Variants in LAG3 observed in about 807,000 individuals in gnomAD.
LAG3 encodes the protein lymphocyte activation gene 3 protein.
In LAG3, 29 loss-of-function variants were observed where a neutral mutation model predicts 49.0. The observed-to-expected ratio is 0.59, with a 90% confidence interval of 0.44 to 0.81. The LOEUF (loss-of-function observed/expected upper bound fraction) is 0.81. LAG3 is among the 30% of genes least tolerant of loss of function. LAG3 has a pLI of 0.00. For synonymous variants in LAG3, 320 were observed against 297.3 expected (o/e 1.08, Z -0.79); for missense variants, 693 against 695.2 (o/e 1.00, Z 0.04).
intron 7 of LAG3, 116 bp downstream of exon 7, chr12:6,778,037 C>T (rs765608844): frequency 9.5e-6 from 14 of 1,470,338 alleles, no homozygotes; most frequent in Admixed American, 3.5e-5. Context: ...AACTTGCCCT[C>T]AGAGCCCCCC....
intron 3 of LAG3, 132 bp from the exon 4 acceptor site, chr12:6,774,463 A>C: frequency 1.0e-6 from 1 of 987,486 alleles, no homozygotes; most frequent in Non-Finnish European, 1.5e-6. Context: ...AGATGGGGAG[A>C]GGGTGATGTG....
Position 6,772,793 on chromosome 12 carries a change from C to T in LAG3, c.-60C>T. 1 of 1,095,630 alleles carries T rather than the reference C, an allele frequency of 9.1e-7. No individual in the cohort carries two copies. Among genetic ancestry groups the T allele is most frequent in the Admixed American group, 1.9e-5 (1 of 52,706 alleles). 67.9% of individuals were successfully genotyped at this position (1,095,630 alleles called of 1,614,324 possible). On this transcript the variant is annotated 5_prime_UTR_variant, in exon 1 of 8. Transcript: ENST00000203629. ...CTTTACCCCCCACCCCCCACCACTG[C>T]CCCCTTTCCTTTTCTGACCTCCTTT...
Position 6,775,508 on chromosome 12 carries a change from A to T in LAG3, c.1017A>T (p.Glu339Asp). The change falls in exon 5 of 8, where the codon GAA becomes GAT. Residue 339 changes from glutamate to aspartate, a missense_variant. Physicochemically the swap from Glu to Asp is conservative, Grantham distance 45. Coordinates refer to ENST00000203629, the MANE Select transcript of LAG3 (RefSeq NM_002286.6). ...GTYTCHIHLQ[E>D]QQLNATVTLA... ...ACACCTGCCATATCCATCTGCAGGA[A>T]CAGCAGCTCAATGCCACTGTCACAT... 1 of 1,614,270 alleles carries T rather than the reference A, an allele frequency of 6.2e-7. No homozygotes were observed. Among genetic ancestry groups the T allele is most frequent in the Non-Finnish European group, 8.5e-7 (1 of 1,180,038 alleles).
rs180706464 is a variant in LAG3, at chr12:6,777,387, C to T, written c.1181C>T (p.Ser394Leu). 170 of 1,614,224 alleles carry T rather than the reference C, an allele frequency of 1.1e-4. No homozygotes were observed. The highest frequency in any genetic ancestry group is 1.4e-4 in the Non-Finnish European group (165 of 1,180,034). The change falls in exon 6 of 8, where the codon TCA becomes TTA. Residue 394 changes from serine (S) to leucine (L), a missense_variant. Coordinates refer to ENST00000203629, the MANE Select transcript of LAG3 (RefSeq NM_002286.6). ...SLDTPSQRSF[S>L]GPWLEAQEAQ... ...GACACCCCATCCCAGAGGAGTTTCT[C>T]AGGACCTTGGCTGGAGGCACAGGAG...
Position 6,773,769 on chromosome 12 carries a change from G to A in LAG3, c.279G>A (p.Gly93=), listed in dbSNP as rs1036261700. 1.2e-5 allele frequency: 16 copies of A among 1,332,716 alleles called. No homozygotes were observed. In the Admixed American group the frequency reaches 1.6e-4, roughly 14 times the overall value. The allele number at this position is 1,332,716 out of a possible 1,614,324, so 82.6% of individuals were successfully genotyped here. Residue 93 remains glycine, a synonymous_variant, in exon 3 of 8, where the codon GGG becomes GGA. Transcript: ENST00000203629. This position sits in a 1 kb window ranked among gnomAD's most constrained non-coding sequence, Gnocchi z 5.5. ...ACCCGGCGGCGCCCTCCTCCTGGGG[G>A]CCCAGGCCCCGCCGCTACACGGTGC... The part of the protein sequence containing the change: ...GPHPAAPSSW[G]PRPRRYTVLS...
rs1592495266 is a variant in LAG3, at chr12:6,773,420, C to T, written c.206+81C>T. The T allele has an allele frequency of 6.6e-7, 1 of 1,509,048 alleles. No homozygotes were observed. Among genetic ancestry groups the T allele is most frequent in the South Asian group, 1.2e-5 (1 of 86,604 alleles). The allele number at this position is 1,509,048 out of a possible 1,614,324, so 93.5% of individuals were successfully genotyped here. On this transcript the variant is annotated intron_variant, in intron 2 of 7. Transcript: ENST00000203629. The surrounding 1 kb of genome is among the most constrained non-coding windows in gnomAD (Gnocchi z 5.5). ...CCCGTGCCGGTCCTCTGTCCCCTGC[C>T]CTGAGGTGTCACTCCCTCTGAAGCC...
At chr12:6,776,893 G>T (rs1028146447) in intron 5 of LAG3, among the ~76,000 whole-genome samples, 3 of 152,174 alleles carry the variant, frequency 2.0e-5, no homozygotes, top group Non-Finnish European at 4.4e-5. Flanking sequence ...GCAGTAGGGA[G>T]CCTGGAAATG....
At position 6,774,797 on chromosome 12, in the gene LAG3, C is replaced by T; in HGVS notation, c.714C>T (p.Pro238=). ...LPQVSPMDSG[P]WGCILTYRDG... is the part of the protein sequence containing the mutation. ...AAGTCAGCCCCATGGACTCTGGGCC[C>T]TGGGGCTGCATCCTCACCTACAGAG... is the stretch of plus-strand genomic sequence containing the variant. The change falls in exon 4 of 8, where the codon CCC becomes CCT. Residue 238 remains proline, a synonymous_variant. Coordinates refer to ENST00000203629, the MANE Select transcript of LAG3 (RefSeq NM_002286.6). 3 of 1,613,986 alleles carry T rather than the reference C, an allele frequency of 1.9e-6. No homozygotes were observed. The highest frequency in any genetic ancestry group is 2.5e-6 in the Non-Finnish European group (3 of 1,179,862).
intron 5 of LAG3, 95 bp downstream of exon 5, chr12:6,775,643 G>A: frequency 8.0e-7 from 1 of 1,244,094 alleles, no homozygotes; most frequent in Non-Finnish European, 1.1e-6. Context: ...AACCCACCCT[G>A]TGATGCCAGG....
At position 6,773,082 on chromosome 12, in the gene LAG3, C is replaced by G; in HGVS notation, c.59-110C>G. 1 of 1,441,076 alleles carries G rather than the reference C, an allele frequency of 6.9e-7. No homozygotes were observed. The allele number at this position is 1,441,076 out of a possible 1,614,324, so 89.3% of individuals were successfully genotyped here. ...CTCTGGGCAGAGAAGAAACAGAAAC[C>G]CAAGTTCTTCCTGCACCCTGTTTCT... On this transcript the variant is annotated intron_variant, in intron 1 of 7. Transcript: ENST00000203629. This position sits in a 1 kb window ranked among gnomAD's most constrained non-coding sequence, Gnocchi z 5.5.
At chr12:6,778,144 G>A (rs1441410678) in intron 7 of LAG3, 100 bp from the exon 8 acceptor site, 36 of 1,343,356 alleles carry the variant, frequency 2.7e-5, no homozygotes, top group Non-Finnish European at 3.4e-5. Context: ...GGGCAGGGGC[G>A]CTGAGAAAAA....
In LAG3 at chr12:6,778,398, C is replaced by A. The variant is rs887552081; in HGVS notation, c.*8C>A. 2 of 1,608,014 alleles carry A rather than the reference C, an allele frequency of 1.2e-6. No homozygotes were observed. Among genetic ancestry groups the A allele is most frequent in the Non-Finnish European group, 1.7e-6 (2 of 1,179,730 alleles). ...GAGCCGGAGCAGCTCTGACCTGGAG[C>A]TGAGGCAGCCAGCAGATCTCAGCAG... On this transcript the variant is annotated 3_prime_UTR_variant, in exon 8 of 8. Transcript: ENST00000203629.
At position 6,775,295 on chromosome 12, in the gene LAG3, G is replaced by A. The variant is rs1941894228; in HGVS notation, c.804G>A (p.Leu268=). 1 of 1,614,136 alleles carries A rather than the reference G, an allele frequency of 6.2e-7. No homozygotes were observed. The highest frequency in any genetic ancestry group is 1.1e-5 in the South Asian group (1 of 91,064). Reference sequence around the variant, plus strand: ...CAGGTCTGGAGCCCCCAACTCCCTTGACAGTGTACGCTGGAGCAGGTTCCA... The same window carrying A: ...CAGGTCTGGAGCCCCCAACTCCCTTAACAGTGTACGCTGGAGCAGGTTCCA... The part of the protein sequence containing the change: ...TVLGLEPPTP[L]TVYAGAGSRV... The change falls in exon 5 of 8, where the codon TTG becomes TTA. Residue 268 remains leucine, a synonymous_variant. Coordinates refer to ENST00000203629, the MANE Select transcript of LAG3 (RefSeq NM_002286.6).
rs1941864269 is a variant in LAG3 at position 6,773,324 on chromosome 12, A to T, written c.191A>T (p.Gln64Leu). The T allele has an allele frequency of 6.2e-7, 1 of 1,613,708 alleles. No homozygotes were observed. Among genetic ancestry groups the T allele is most frequent in the Non-Finnish European group, 8.5e-7 (1 of 1,179,890 alleles). The change falls in exon 2 of 8, where the codon CAG becomes CTG. Residue 64 changes from glutamine (Q) to leucine (L), a missense_variant. Gln to Leu is a moderately radical substitution (Grantham distance 113, BLOSUM62 -2). Transcript: ENST00000203629. The surrounding 1 kb of genome is among the most constrained non-coding windows in gnomAD (Gnocchi z 5.5). ...CTGCGAAGAGCAGGGGTCACTTGGC[A>T]GCATCAGCCAGACAGGTATGCACCC... ...SLLRRAGVTW[Q>L]HQPDSGPPAA...
chr12:6,778,006 A>T (rs1015631533), intron 7 of LAG3, 85 bp downstream of exon 7: 2 of 1,593,486 alleles, frequency 1.3e-6, no homozygotes, highest in African/African-American at 2.7e-5. Context: ...TTCCTCAGGA[A>T]GGTGACCAAA....
At chr12:6,774,566 C>T (rs1941882697) in intron 3 of LAG3, 29 bp from the exon 4 acceptor site, 2 of 1,594,860 alleles carry the variant, frequency 1.3e-6, no homozygotes, top group South Asian at 2.2e-5. Flanking sequence ...TTCCAGTGGG[C>T]TGATGAAGTC....
At chr12:6,774,034 G>A (rs1464695110) in intron 3 of LAG3, 33 bp downstream of exon 3, 15 of 1,389,962 alleles carry the variant, frequency 1.1e-5, no homozygotes, top group Non-Finnish European at 1.4e-5. Flanking sequence ...AGAAGGGCTG[G>A]GAGGTGGGTC....
chr12:6,772,772 A>ACCCCCCC lies in LAG3; in HGVS notation c.-75_-74insCCCCCCC. ...TCCCTCTCTGCAGAACTTCTCCTTTACCCCCCACCCCCCACCACTGCCCCC... is the reference window on the plus strand; with the variant it reads ...TCCCTCTCTGCAGAACTTCTCCTTTACCCCCCCCCCCCCACCCCCCACCACTGCCCCC... On this transcript the variant is annotated 5_prime_UTR_variant, in exon 1 of 8. Transcript: ENST00000203629. 2 of 637,466 alleles carry ACCCCCCC rather than the reference A, an allele frequency of 3.1e-6. No individual in the cohort carries two copies. The highest frequency in any genetic ancestry group is 1.6e-5 in the South Asian group (1 of 63,268). 39.5% of individuals were successfully genotyped at this position (637,466 alleles called of 1,614,324 possible). A position where few individuals can be genotyped will look rare whatever the true frequency, so the allele number is the denominator to read the frequency against.
chr12:6,778,067 T>G (rs1941927535), intron 7 of LAG3, 146 bp downstream of exon 7: 1 of 1,361,602 alleles, frequency 7.3e-7, no homozygotes, highest in South Asian at 1.2e-5. Flanking sequence ...AGCCTCTCAC[T>G]CCAGGGATGG....
Sources: allele counts gnomAD v4.1 joint callset (sites outside exome capture counted in the v4.1 genomes callset), GRCh38; gene constraint gnomAD v4.1.1; non-coding constraint Gnocchi (gnomAD v3.1); transcripts MANE v1.5; gene names NCBI Gene and HGNC (gene_info 2026-07-23, HGNC 2026-07-21).